Variants in P3H4 observed in about 807,000 individuals in gnomAD.
P3H4 encodes the protein endoplasmic reticulum protein SC65.
In P3H4, 47 loss-of-function variants were observed where a neutral mutation model predicts 52.9. The observed-to-expected ratio is 0.89, with a 90% confidence interval of 0.70 to 1.13. The LOEUF (loss-of-function observed/expected upper bound fraction) is 1.13. Ranked by LOEUF, P3H4 falls within the 50% of genes most tolerant of loss-of-function variation. The probability of loss-of-function intolerance (pLI) is 0.00; values close to 1 mark genes in which losing one functional copy is unlikely to be tolerated. For missense variants in P3H4, 585 were observed against 611.0 expected, an observed-to-expected ratio of 0.96 and a Z score of 0.45; for synonymous variants, 256 against 267.9, an observed-to-expected ratio of 0.96 and a Z score of 0.44.
In P3H4 at chr17:41,811,544, G is replaced by A. The variant is rs781891071; in HGVS notation, c.372C>T (p.Pro124=). 5 of 1,610,198 alleles carry A rather than the reference G, an allele frequency of 3.1e-6. No individual in the cohort carries two copies. Among genetic ancestry groups the A allele is most frequent in the Non-Finnish European group, 4.2e-6 (5 of 1,179,014 alleles). Residue 124 remains proline, a synonymous_variant, in exon 1 of 8, where the codon CCC becomes CCT. Coordinates refer to ENST00000393928, the MANE Select transcript of P3H4 (RefSeq NM_006455.3). This position sits in a 1 kb window ranked among gnomAD's most constrained non-coding sequence, Gnocchi z 4.8. ...ACLRRCKRTL[P]AFQVPYPPRQ... Reference sequence around the variant, plus strand: ...GCGGCGGGTAGGGCACCTGGAAGGCGGGCAGCGTCCGCTTGCAGCGCCGCA... The same window carrying A: ...GCGGCGGGTAGGGCACCTGGAAGGCAGGCAGCGTCCGCTTGCAGCGCCGCA...
chr17:41,807,147 T>C (rs2047682753), intron 5 of P3H4: 2 of 492,016 alleles, frequency 4.1e-6, no homozygotes, highest in Admixed American at 6.8e-5. Context: ...GTGCCCCATA[T>C]TTGCCAGCCT....
In P3H4 at chr17:41,811,113, T is replaced by A; in HGVS notation, c.615+19A>T. On this transcript the variant is annotated intron_variant, in intron 2 of 7. Coordinates refer to ENST00000393928, the MANE Select transcript of P3H4 (RefSeq NM_006455.3). This position sits in a 1 kb window ranked among gnomAD's most constrained non-coding sequence, Gnocchi z 4.8. ...TACTAGCCCTCCTCTACAAGCCTCC[T>A]CCTGACCCTCCACCCCACCTCGTAG... 1 of 1,613,904 alleles carries A rather than the reference T, an allele frequency of 6.2e-7. No homozygotes were observed.
Position 41,811,349 on chromosome 17 carries a change from C to CGGCG in P3H4, c.463-69_463-66dup. ...ACCGGAGCTCGCGGCCCCGAGCGCA[C>CGGCG]GGCGGGCTTCGTGCCTTGGGTGAAG... On this transcript the variant is annotated intron_variant, in intron 1 of 7. Coordinates refer to ENST00000393928, the MANE Select transcript of P3H4 (RefSeq NM_006455.3). The surrounding 1 kb of genome is among the most constrained non-coding windows in gnomAD (Gnocchi z 4.8). 2 of 1,606,762 alleles carry CGGCG rather than the reference C, an allele frequency of 1.2e-6. No individual in the cohort carries two copies. The highest frequency in any genetic ancestry group is 1.7e-6 in the Non-Finnish European group (2 of 1,175,906).
At position 41,807,975 on chromosome 17, in the gene P3H4, C is replaced by G. The variant is rs201190522; in HGVS notation, c.946G>C (p.Ala316Pro). 1.9e-6 allele frequency: 3 copies of G among 1,613,826 alleles called. No individual in the cohort carries two copies. Among genetic ancestry groups the G allele is most frequent in the Non-Finnish European group, 2.5e-6 (3 of 1,179,902 alleles). The change falls in exon 5 of 8, where the codon GCC becomes CCC. Residue 316 changes from alanine (A) to proline (P), a missense_variant. Transcript: ENST00000393928. Reference protein sequence around the residue: ...LNDVRQAARSAASYMLFDPKD... With the variant: ...LNDVRQAARSPASYMLFDPKD... ...GGGTCGAAGAGCATGTAGCTGGCGG[C>G]GCTGCGGGCAGCCTGGCGCACATCA...
rs1567851108 is a variant in P3H4, at chr17:41,811,763, GC to G, written c.152del (p.Ser51ThrfsTer127). 6.6e-7 allele frequency: 1 copy of G among 1,525,534 alleles called. No individual in the cohort carries two copies. Among genetic ancestry groups the G allele is most frequent in the Non-Finnish European group, 8.7e-7 (1 of 1,148,688 alleles). 94.5% of individuals were successfully genotyped at this position (1,525,534 alleles called of 1,614,324 possible). ...GHALEQYEGE[S>X]WRESARYLEA... ...CCAGGTAGCGCGCGCTCTCGCGCCA[GC>G]TCTCTCCCTCGTACTGCTCCAGAGC... On this transcript the variant is annotated frameshift_variant, in exon 1 of 8. Coordinates refer to ENST00000393928, the MANE Select transcript of P3H4 (RefSeq NM_006455.3). LOFTEE classifies it high-confidence loss of function. This position sits in a 1 kb window ranked among gnomAD's most constrained non-coding sequence, Gnocchi z 4.8.
At chr17:41,810,249 A>C (rs1002778833) in intron 3 of P3H4, among the ~76,000 whole-genome samples, 1 of 149,148 alleles carries the variant, frequency 6.7e-6, no homozygotes, top group Admixed American at 6.7e-5. Flanking sequence ...TCTGGGCTCA[A>C]TGCAACCTCC....
chr17:41,803,133 C>T (rs782370705), intron 7 of P3H4, among the ~76,000 whole-genome samples, 154 bp from the exon 8 acceptor site: 18 of 152,144 alleles, frequency 1.2e-4, no homozygotes, highest in Admixed American at 2.0e-4. Context: ...CACCCCCAAG[C>T]GGGACAGGGG....
At position 41,803,386 on chromosome 17, in the gene P3H4, G is replaced by T. The variant is rs2047638678; in HGVS notation, c.1192C>A (p.Leu398Ile). Residue 398 changes from leucine to isoleucine, a missense_variant, in exon 7 of 8, where the codon CTA becomes ATA. Physicochemically the swap from Leu to Ile is conservative, Grantham distance 5. Transcript: ENST00000393928. ...TEPPLEPEDALSDAEFEGEGD... is the reference protein window; with the variant it reads ...TEPPLEPEDAISDAEFEGEGD... Reference sequence around the variant, plus strand: ...TCCCCCTCAAACTCGGCGTCAGATAGGGCATCCTCAGGCTCCAGGGGCGGT... The same window carrying T: ...TCCCCCTCAAACTCGGCGTCAGATATGGCATCCTCAGGCTCCAGGGGCGGT... 6.2e-7 allele frequency: 1 copy of T among 1,613,704 alleles called. No individual in the cohort carries two copies. The highest frequency in any genetic ancestry group is 8.5e-7 in the Non-Finnish European group (1 of 1,179,840).
chr17:41,811,436 G>C lies in P3H4; in HGVS notation c.462+18C>G. ...CGCCCAGCCCGAGACAGGTCCCCGG[G>C]TGGGGGCGGGCTCCCACCTTGAACA... On this transcript the variant is annotated intron_variant, in intron 1 of 7. Coordinates refer to ENST00000393928, the MANE Select transcript of P3H4 (RefSeq NM_006455.3). This position sits in a 1 kb window ranked among gnomAD's most constrained non-coding sequence, Gnocchi z 4.8. The C allele has an allele frequency of 6.2e-7, 1 of 1,611,496 alleles. No homozygotes were observed. Among genetic ancestry groups the C allele is most frequent in the Non-Finnish European group, 8.5e-7 (1 of 1,179,204 alleles).
Position 41,807,978 on chromosome 17 carries a change from T to C in P3H4, c.943A>G (p.Ser315Gly), listed in dbSNP as rs782189430. 11 of 1,613,894 alleles carry C rather than the reference T, an allele frequency of 6.8e-6. No homozygotes were observed. The Admixed American group carries it at 1.2e-4, about 17-fold the overall frequency. ...KLNDVRQAAR[S>G]AASYMLFDPK... ...TCGAAGAGCATGTAGCTGGCGGCGC[T>C]GCGGGCAGCCTGGCGCACATCATTC... The change falls in exon 5 of 8, where the codon AGC (serine) becomes GGC (glycine). Residue 315 changes from serine to glycine, a missense_variant. Coordinates refer to ENST00000393928, the MANE Select transcript of P3H4 (RefSeq NM_006455.3).
intron 4 of P3H4, among the ~76,000 whole-genome samples, chr17:41,808,520 T>A (rs1555614508): frequency 6.6e-6 from 1 of 152,142 alleles, no homozygotes; most frequent in Non-Finnish European, 1.5e-5. Context: ...CCCCAGTAGC[T>A]GGGACTACAG....
chr17:41,811,009 A>G lies in P3H4; in HGVS notation c.641T>C (p.Leu214Pro), dbSNP rs373896625. Residue 214 changes from leucine (L) to proline (P), a missense_variant, in exon 3 of 8, where the codon CTC becomes CCC. Transcript: ENST00000393928. This position sits in a 1 kb window ranked among gnomAD's most constrained non-coding sequence, Gnocchi z 4.8. ...YEAVFLRAVK[L>P]YNSGDFRSST... is the part of the protein sequence containing the mutation. ...GCTGCGGAAATCCCCGCTGTTGTAG[A>G]GCTTCACAGCCCGGAGGAACACGGC... is the stretch of plus-strand genomic sequence containing the variant. 38 of 1,613,896 alleles carry G rather than the reference A, an allele frequency of 2.4e-5. No homozygotes were observed. The highest frequency in any genetic ancestry group is 2.7e-5 in the Non-Finnish European group (32 of 1,179,932).
chr17:41,810,835 C>CT lies in P3H4; in HGVS notation c.787+27_787+28insA, dbSNP rs548070535. ...TACCGGGCCCTGTGGGTGAGAGGAC[C>CT]GCCCACCGTGGTCTGGGTGGCAGAT... On this transcript the variant is annotated intron_variant, in intron 3 of 7. Coordinates refer to ENST00000393928, the MANE Select transcript of P3H4 (RefSeq NM_006455.3). 348 of 1,594,046 alleles carry CT rather than the reference C, an allele frequency of 2.2e-4. 2 individuals are homozygous for CT. The East Asian group carries it at 7.4e-3, about 34-fold the overall frequency.
intron 6 of P3H4, among the ~76,000 whole-genome samples, chr17:41,805,226 T>C (rs2047661095): frequency 6.6e-6 from 1 of 151,156 alleles, no homozygotes; most frequent in African/African-American, 2.4e-5. Context: ...GAGGCGGAGC[T>C]TGCAGTGAGC....
At chr17:41,810,697 C>T (rs954472693) in intron 3 of P3H4, 166 bp downstream of exon 3, 1 of 753,922 alleles carries the variant, frequency 1.3e-6, no homozygotes, top group Non-Finnish European at 2.1e-6. Flanking sequence ...GCCCCTTGGA[C>T]ACTCCCAGCT....
In P3H4 at chr17:41,810,923, C is replaced by CCAGG; in HGVS notation, c.723_726dup (p.Ala243ProfsTer5). The CCAGG allele has an allele frequency of 3.7e-6, 6 of 1,614,178 alleles. No homozygotes were observed. Among genetic ancestry groups the CCAGG allele is most frequent in the Non-Finnish European group, 5.1e-6 (6 of 1,180,032 alleles). On this transcript the variant is annotated frameshift_variant, in exon 3 of 8. Transcript: ENST00000393928. LOFTEE classifies it high-confidence loss of function. The stretch of plus-strand genomic sequence containing the variant: ...TGCTCATGGGCCCCTTCACAGCCGG[C>CCAGG]CAGGCACCGGGCAAAGACTGCCAGG...
chr17:41,811,609 G>T lies in P3H4; in HGVS notation c.307C>A (p.Leu103Met). 1 of 1,550,024 alleles carries T rather than the reference G, an allele frequency of 6.5e-7. No homozygotes were observed. Residue 103 changes from leucine to methionine, a missense_variant, in exon 1 of 8, where the codon CTG (leucine) becomes ATG (methionine). Transcript: ENST00000393928. This position sits in a 1 kb window ranked among gnomAD's most constrained non-coding sequence, Gnocchi z 4.8. ...TCCAGGACGCGGCCGAAGAGCCGCA[G>T]CTCGCAGGCCCACTCGTCTGCGCGG... is the stretch of plus-strand genomic sequence containing the variant. ...GGRADEWACE[L>M]RLFGRVLERA...
At chr17:41,807,013 A>C (rs2047681099) in intron 5 of P3H4, 134 bp from the exon 6 acceptor site, 1 of 661,822 alleles carries the variant, frequency 1.5e-6, no homozygotes, top group Admixed American at 2.4e-5. Flanking sequence ...TCAGCTCACA[A>C]GCTCATCAGA....
At position 41,811,901 on chromosome 17, in the gene P3H4, C is replaced by T. The variant is rs782761555; in HGVS notation, c.15G>A (p.Ala5=). 1.4e-5 allele frequency: 21 copies of T among 1,513,130 alleles called. No homozygotes were observed. The highest frequency in any genetic ancestry group is 2.1e-5 in the Admixed American group (1 of 48,270). 93.7% of individuals were successfully genotyped at this position (1,513,130 alleles called of 1,614,324 possible). Residue 5 remains alanine, a synonymous_variant, in exon 1 of 8, where the codon GCG becomes GCA. Transcript: ENST00000393928. The surrounding 1 kb of genome is among the most constrained non-coding windows in gnomAD (Gnocchi z 4.8). The part of the protein sequence containing the change: MARV[A]WGLLWLLLGS... ...CCAGCAGCAACCACAGCAGCCCCCACGCCACCCGAGCCATGCCCGCCGCGC... is the reference window on the plus strand; with the variant it reads ...CCAGCAGCAACCACAGCAGCCCCCATGCCACCCGAGCCATGCCCGCCGCGC...
Sources: gnomAD v4.1 joint callset for allele counts (sites outside exome capture counted in the v4.1 genomes callset) on GRCh38, gnomAD v4.1.1 for gene constraint, Gnocchi (gnomAD v3.1) non-coding constraint, MANE v1.5 for transcripts, NCBI Gene and HGNC (gene_info 2026-07-23, HGNC 2026-07-21) for gene names.